The following SHISA5 variants were observed in gnomAD, a reference collection of about 807,000 sequenced individuals.
The protein encoded by SHISA5 is protein shisa-5.
A neutral mutation model predicts 27.5 loss-of-function variants in SHISA5; 21 were observed. The ratio of observed to expected loss-of-function variants is 0.76; its 90% confidence interval spans 0.54 to 1.10. The LOEUF (loss-of-function observed/expected upper bound fraction) is 1.10. Ranked by LOEUF, SHISA5 falls within the 50% of genes least tolerant of loss-of-function variation. The pLI is 0.00. For synonymous variants in SHISA5, 137 were observed against 142.2 expected (o/e 0.96, Z 0.26); for missense variants, 314 against 336.3 (o/e 0.93, Z 0.52).
At chr3:48,494,299 CTTT>C (rs1328472129) in intron 2 of SHISA5, among the ~76,000 whole-genome samples, 4 of 129,678 alleles carry the variant, frequency 3.1e-5, no homozygotes, top group Non-Finnish European at 4.8e-5. Context: ...TCTGGATTTC[CTTT>C]TTTTTTTTTT....
intron 2 of SHISA5, among the ~76,000 whole-genome samples, chr3:48,482,194 T>C (rs542591933): frequency 6.1e-5 from 9 of 147,964 alleles, no homozygotes; most frequent in Admixed American, 1.3e-4. Context: ...TAGAGAATAA[T>C]AGAGAAGATT....
intron 3 of SHISA5, among the ~76,000 whole-genome samples, chr3:48,475,128 T>A (rs568213370): frequency 6.6e-6 from 1 of 152,174 alleles, no homozygotes; most frequent in South Asian, 2.1e-4. Flanking sequence ...TTTTGCATAA[T>A]GTTGTGAATT....
chr3:48,472,909 A>G, intron 3 of SHISA5: 1 of 1,183,916 alleles, frequency 8.4e-7, no homozygotes, highest in Non-Finnish European at 1.2e-6. Context: ...ACACATTCAC[A>G]CGCCATCAAT....
At chr3:48,504,212 C>T (rs956102159), upstream of SHISA5, 1 of 413,812 alleles carries the variant, frequency 2.4e-6, no homozygotes. This position sits in a 1 kb window ranked among gnomAD's most constrained non-coding sequence, Gnocchi z 4.0. Context: ...CCGGCTGGTT[C>T]CCGGAACCTC....
chr3:48,504,343 C>T (rs2041842974), upstream of SHISA5: 2 of 346,186 alleles, frequency 5.8e-6, no homozygotes, highest in Non-Finnish European at 1.0e-5. The surrounding 1 kb of genome is among the most constrained non-coding windows in gnomAD (Gnocchi z 4.0). Flanking sequence ...GCTTCGCGCC[C>T]GGGGTCTGCG....
intron 3 of SHISA5, chr3:48,472,975 C>G: frequency 6.6e-7 from 1 of 1,521,868 alleles, no homozygotes. Flanking sequence ...GTGTTTGTCT[C>G]TCAAACACAC....
rs527621954 is a variant in SHISA5, at chr3:48,485,223, C to T, written c.234-5966G>A. On this transcript the variant is annotated intron_variant, in intron 2 of 5. Coordinates refer to ENST00000296444, the MANE Select transcript of SHISA5 (RefSeq NM_016479.6). The stretch of plus-strand genomic sequence containing the variant: ...AAAGAAACCAGTGTGAGACCGGGCA[C>T]GGTGGCTCACGCCTGTAATCCCAGC... Among the ~76,000 whole-genome samples the T allele has an allele frequency of 5.3e-5, 8 of 152,002 alleles. No individual in the cohort carries two copies. In the South Asian group the frequency reaches 1.5e-3, roughly 28 times the overall value.
chr3:48,500,521 G>T (rs1218381384), intron 2 of SHISA5, among the ~76,000 whole-genome samples: 2 of 152,088 alleles, frequency 1.3e-5, no homozygotes, highest in Admixed American at 6.6e-5. Context: ...CACCTGCCAT[G>T]AGCAGAGGAG....
At chr3:48,503,154 G>A (rs1041874951) in intron 1 of SHISA5, 15 of 1,289,700 alleles carry the variant, frequency 1.2e-5, no homozygotes. Context: ...CCCATATGCA[G>A]CAAGGTCTTC....
intron 2 of SHISA5, among the ~76,000 whole-genome samples, chr3:48,486,886 C>T (rs1044629175): frequency 4.0e-5 from 6 of 148,222 alleles, no homozygotes; most frequent in East Asian, 2.0e-4. Context: ...AGCCACTGCA[C>T]GCCAGCCTGG....
intron 2 of SHISA5, among the ~76,000 whole-genome samples, chr3:48,499,585 T>C (rs2041689547): frequency 6.9e-6 from 1 of 145,432 alleles, no homozygotes; most frequent in African/African-American, 2.6e-5. Flanking sequence ...GAGGCTGAGG[T>C]AGGAGAATGG....
At chr3:48,497,272 T>TTTG (rs2041583514) in intron 2 of SHISA5, among the ~76,000 whole-genome samples, 1 of 147,946 alleles carries the variant, frequency 6.8e-6, no homozygotes, top group Admixed American at 6.7e-5. Flanking sequence ...GTTTTTTTTT[T>TTTG]TTTTTTTTTT....
In SHISA5 at chr3:48,469,558, G is replaced by A; in HGVS notation, c.446C>T (p.Thr149Ile). 1 of 1,609,012 alleles carries A rather than the reference G, an allele frequency of 6.2e-7. No individual in the cohort carries two copies. Among genetic ancestry groups the A allele is most frequent in the Non-Finnish European group, 8.5e-7 (1 of 1,176,572 alleles). Residue 149 changes from threonine (T) to isoleucine (I), a missense_variant, in exon 5 of 6, where the codon ACC becomes ATC. Transcript: ENST00000296444. This position sits in a 1 kb window ranked among gnomAD's most constrained non-coding sequence, Gnocchi z 4.6. ...GGCATGCACCACAGTGGTGGATGTG[G>A]TGGTGGTGACAACCGCTGCAAAGAG... ...CRRPRPVVTT[T>I]TSTTVVHAPY...
chr3:48,478,564 G>T (rs145304500), intron 3 of SHISA5, among the ~76,000 whole-genome samples: 1 of 152,132 alleles, frequency 6.6e-6, no homozygotes, highest in Non-Finnish European at 1.5e-5. Context: ...CTCCTGTTAC[G>T]GTGGCAATAA....
rs564182988 is a variant in SHISA5 at position 48,496,523 on chromosome 3, G to C, written c.233+4614C>G. ...AGGCGGATGGATCACCTGAGGTCGG[G>C]AGCTCGAGACCAGCCTGGCCAACAT... On this transcript the variant is annotated intron_variant, in intron 2 of 5. Coordinates refer to ENST00000296444, the MANE Select transcript of SHISA5 (RefSeq NM_016479.6). Among the ~76,000 whole-genome samples the C allele has an allele frequency of 7.9e-5, 12 of 152,034 alleles. No homozygotes were observed. In the East Asian group the frequency reaches 2.3e-3, roughly 29 times the overall value.
rs771728626 is a variant in SHISA5 at position 48,469,461 on chromosome 3, C to T, written c.543G>A (p.Pro181=). The part of the protein sequence containing the change: ...GPSYQGYHTM[P]PQPGMPAAPY... The stretch of plus-strand genomic sequence containing the variant: ...GTGCTGCTGGCATCCCTGGCTGAGG[C>T]GGCATGGTGTGGTAGCCCTGGTAGC... Residue 181 remains proline (P), a synonymous_variant, in exon 5 of 6, where the codon CCG becomes CCA. Transcript: ENST00000296444. This position sits in a 1 kb window ranked among gnomAD's most constrained non-coding sequence, Gnocchi z 4.6. The T allele has an allele frequency of 2.1e-5, 34 of 1,613,666 alleles. No homozygotes were observed. The highest frequency in any genetic ancestry group is 4.0e-5 in the African/African-American group (3 of 74,844).
Position 48,468,016 on chromosome 3 carries a change from A to G in SHISA5, c.*1091T>C. The G allele has an allele frequency of 2.6e-6, 1 of 382,932 alleles. No homozygotes were observed. Among genetic ancestry groups the G allele is most frequent in the South Asian group, 6.9e-5 (1 of 14,426 alleles). The allele number at this position is 382,932 out of a possible 1,614,324, so 23.7% of individuals were successfully genotyped here. A position where few individuals can be genotyped will look rare whatever the true frequency, so the allele number is the denominator to read the frequency against. ...TATTCATGTCTGGGCCAGAGCTGCC[A>G]TCCAGGGCCCCACACCCCACCTTTG... is the stretch of plus-strand genomic sequence containing the variant. On this transcript the variant is annotated 3_prime_UTR_variant, in exon 6 of 6. Transcript: ENST00000296444.
In SHISA5 at chr3:48,469,147, T is replaced by C; in HGVS notation, c.683A>G (p.Tyr228Cys). The part of the protein sequence containing the change: ...AAPYPASQPP[Y>C]NPAYMDAPKA... ...CGGGGCATCCATGTAGGCCGGGTTG[T>C]AAGGAGGCTGGCTGGCGGGGTAGGG... Residue 228 changes from tyrosine to cysteine, a missense_variant, in exon 6 of 6, where the codon TAC becomes TGC. Coordinates refer to ENST00000296444, the MANE Select transcript of SHISA5 (RefSeq NM_016479.6). The surrounding 1 kb of genome is among the most constrained non-coding windows in gnomAD (Gnocchi z 4.6). 3 of 1,613,064 alleles carry C rather than the reference T, an allele frequency of 1.9e-6. No individual in the cohort carries two copies. The highest frequency in any genetic ancestry group is 2.5e-6 in the Non-Finnish European group (3 of 1,180,002).
chr3:48,498,803 C>T lies in SHISA5; in HGVS notation c.233+2334G>A, dbSNP rs192131088. Among the ~76,000 whole-genome samples, 138 of 151,116 alleles carry T rather than the reference C, an allele frequency of 9.1e-4. 1 individual carries two copies. Among genetic ancestry groups the T allele is most frequent in the African/African-American group, 3.0e-3 (125 of 41,156 alleles). On this transcript the variant is annotated intron_variant, in intron 2 of 5. Transcript: ENST00000296444. The stretch of plus-strand genomic sequence containing the variant: ...GGAAGTAAAAAAAGGATAATGCATA[C>T]GGGCGCGGTGGCTCACGCCTGTAAT...
Sources: allele counts gnomAD v4.1 joint callset (sites outside exome capture counted in the v4.1 genomes callset), GRCh38; gene constraint gnomAD v4.1.1; non-coding constraint Gnocchi (gnomAD v3.1); transcripts MANE v1.5; gene names NCBI Gene and HGNC (gene_info 2026-07-23, HGNC 2026-07-21).